The following RANBP2 variants were observed in gnomAD, a reference collection of about 807,000 sequenced individuals.
RANBP2 encodes RAN binding protein 2.
RANBP2 carries 57 observed loss-of-function variants against 303.6 expected under a neutral mutation model. That is an observed-to-expected ratio of 0.19 (90% CI 0.15 to 0.23). The LOEUF is 0.23. Among genes scored for constraint, RANBP2 ranks in the 10% least tolerant of loss-of-function variants. RANBP2 has a pLI of 1.00. For synonymous variants in RANBP2, 1,167 were observed against 1,301.5 expected (o/e 0.90, Z 2.23); for missense variants, 3,138 against 3,780.8 (o/e 0.83, Z 4.46).
the RANBP2 span, among the ~76,000 whole-genome samples, chr2:109,429,189 C>G: frequency 6.6e-6 from 1 of 152,166 alleles, no homozygotes; most frequent in African/African-American, 2.4e-5. Flanking sequence ...TCTTGAGTAC[C>G]TCAGAGAGGA....
the RANBP2 span, among the ~76,000 whole-genome samples, chr2:109,491,229 G>T: frequency 6.6e-6 from 1 of 152,164 alleles, no homozygotes; most frequent in Non-Finnish European, 1.5e-5. Flanking sequence ...CAAATAGTGG[G>T]AGACTAGGCA....
At chr2:108,869,052 T>A in the RANBP2 span, among the ~76,000 whole-genome samples, 4 of 151,840 alleles carry the variant, frequency 2.6e-5, no homozygotes, top group East Asian at 1.9e-4. Context: ...TTGAAGAAAA[T>A]TTTTTTTTCA....
chr2:109,331,626 G>A, the RANBP2 span, among the ~76,000 whole-genome samples: 5 of 152,092 alleles, frequency 3.3e-5, no homozygotes, highest in Non-Finnish European at 5.9e-5. Flanking sequence ...AGTTTATTTT[G>A]TGTATGTCTC....
chr2:108,794,536 G>T, the RANBP2 span: 1 of 1,591,562 alleles, frequency 6.3e-7, no homozygotes, highest in African/African-American at 1.3e-5. Context: ...TATTTTCTTT[G>T]CAGTTGCCTT....
the RANBP2 span, among the ~76,000 whole-genome samples, chr2:109,629,324 TATATATATATATATATATATATATATATA>T: frequency 0.01 from 84 of 8,320 alleles, no homozygotes; most frequent in African/African-American, 0.039. Context: ...TATATATATA[TATATATATATATATATATATATATATATA>T]TATTTTTTTT....
At chr2:108,970,156 C>A in the RANBP2 span, among the ~76,000 whole-genome samples, 2 of 152,168 alleles carry the variant, frequency 1.3e-5, no homozygotes, top group South Asian at 4.1e-4. Context: ...GAGAGGGGAG[C>A]ATCGCCTGGG....
the RANBP2 span, among the ~76,000 whole-genome samples, chr2:109,384,401 C>T: frequency 4.6e-5 from 7 of 151,858 alleles, no homozygotes; most frequent in African/African-American, 9.7e-5. Flanking sequence ...GCAGGGAAAG[C>T]GGCCTTCGGG....
the RANBP2 span, chr2:108,907,949 G>A: frequency 6.2e-7 from 1 of 1,613,652 alleles, no homozygotes; most frequent in South Asian, 1.1e-5. Flanking sequence ...TGCTTGTCAG[G>A]GGCGGGCTCC....
chr2:108,764,684 A>G lies in RANBP2; in HGVS notation c.4145A>G (p.Asn1382Ser), dbSNP rs948268797. ...TCATGCCAAAATCTAAACCCAAGCA[A>G]TAAAGAGCTCGTTGGCCCACCATTA... ...CVSCQNLNPS[N>S]KELVGPPLAE... The change falls in exon 20 of 29, where the codon AAT (asparagine) becomes AGT (serine). Residue 1382 changes from asparagine to serine, a missense_variant. By Grantham distance (46) the Asn-to-Ser change is conservative. Coordinates refer to ENST00000283195, the MANE Select transcript of RANBP2 (RefSeq NM_006267.5). 1.2e-6 allele frequency: 2 copies of G among 1,614,082 alleles called. No homozygotes were observed. Among genetic ancestry groups the G allele is most frequent in the Non-Finnish European group, 1.7e-6 (2 of 1,179,966 alleles).
At chr2:108,945,202 G>A in the RANBP2 span, among the ~76,000 whole-genome samples, 1 of 152,108 alleles carries the variant, frequency 6.6e-6, no homozygotes, top group Non-Finnish European at 1.5e-5. Flanking sequence ...GGGTGGGGGC[G>A]AGCTCCCCGT....
chr2:108,897,513 A>T, the RANBP2 span, among the ~76,000 whole-genome samples: 5 of 152,106 alleles, frequency 3.3e-5, no homozygotes, highest in African/African-American at 4.8e-5. Context: ...TTCCCTCATG[A>T]CCATTTTTAG....
the RANBP2 span, chr2:109,504,323 C>G: frequency 6.6e-6 from 1 of 152,224 alleles, no homozygotes; most frequent in Admixed American, 6.5e-5. Context: ...TGGCTGAAGT[C>G]AGTGGACACC....
the RANBP2 span, among the ~76,000 whole-genome samples, chr2:109,562,906 CA>C: frequency 5.8e-3 from 869 of 150,878 alleles, 11 homozygotes; most frequent in South Asian, 0.057. Context: ...TAAGTACACA[CA>C]ATGCTTTTTT....
At chr2:109,063,013 C>G in the RANBP2 span, among the ~76,000 whole-genome samples, 1 of 152,218 alleles carries the variant, frequency 6.6e-6, no homozygotes, top group African/African-American at 2.4e-5. Flanking sequence ...CAGGAGCCAC[C>G]TCCTTGATGT....
the RANBP2 span, among the ~76,000 whole-genome samples, chr2:109,451,272 C>T: frequency 2.4e-4 from 37 of 152,206 alleles, 1 homozygote; most frequent in Admixed American, 2.3e-3. Flanking sequence ...AATCTGTTCC[C>T]TTCTACCCTG....
chr2:109,233,019 G>A, the RANBP2 span, among the ~76,000 whole-genome samples: 3 of 152,120 alleles, frequency 2.0e-5, no homozygotes, highest in Admixed American at 2.0e-4. Flanking sequence ...CAAACCCCTT[G>A]CAGGATGGGA....
the RANBP2 span, among the ~76,000 whole-genome samples, chr2:109,294,172 T>G: frequency 6.6e-6 from 1 of 152,184 alleles, no homozygotes; most frequent in African/African-American, 2.4e-5. Context: ...CTTCCACTGT[T>G]TCAAAGGAGG....
At chr2:109,276,802 C>T in the RANBP2 span, among the ~76,000 whole-genome samples, 552 of 152,040 alleles carry the variant, frequency 3.6e-3, 2 homozygotes, top group Non-Finnish European at 6.3e-3. Flanking sequence ...TATATACTAC[C>T]TTTTTCCTAA....
chr2:109,571,747 G>A, the RANBP2 span, among the ~76,000 whole-genome samples: 3 of 152,126 alleles, frequency 2.0e-5, no homozygotes, highest in Non-Finnish European at 4.4e-5. Flanking sequence ...GGGATGACTA[G>A]GAAGCATCTA....
Sources: gnomAD v4.1 joint callset for allele counts (sites outside exome capture counted in the v4.1 genomes callset) on GRCh38, gnomAD v4.1.1 for gene constraint, MANE v1.5 for transcripts, NCBI Gene and HGNC (gene_info 2026-07-23, HGNC 2026-07-21) for gene names.